Variants in ASCC3 observed in about 807,000 individuals in gnomAD.
The protein encoded by ASCC3 is ASC-1 complex subunit P200.
Under a neutral mutation model 256.3 loss-of-function variants are expected in ASCC3, and 158 were observed. That is an observed-to-expected ratio of 0.62 (90% CI 0.54 to 0.70). The LOEUF (loss-of-function observed/expected upper bound fraction) is 0.70. Ranked by LOEUF, ASCC3 falls within the 30% of genes least tolerant of loss-of-function variation. The pLI is 0.00. For synonymous variants in ASCC3, 948 were observed against 883.4 expected, an observed-to-expected ratio of 1.07 and a Z score of -1.30; for missense variants, 2,259 against 2,626.0, an observed-to-expected ratio of 0.86 and a Z score of 3.05.
chr6:100,515,909 A>G (rs1055135334), intron 39 of ASCC3, among the ~76,000 whole-genome samples: 3 of 152,114 alleles, frequency 2.0e-5, no homozygotes, highest in Non-Finnish European at 4.4e-5. Flanking sequence ...ATTAATTACT[A>G]TTACTGTCAT....
chr6:100,718,565 C>T (rs1391163880), intron 11 of ASCC3, among the ~76,000 whole-genome samples: 1 of 151,628 alleles, frequency 6.6e-6, no homozygotes, highest in East Asian at 1.9e-4. Context: ...TGAGACAAGC[C>T]TAGGCAACAT....
chr6:100,791,187 A>G (rs1302838138), intron 8 of ASCC3, among the ~76,000 whole-genome samples: 1 of 151,864 alleles, frequency 6.6e-6, no homozygotes, highest in Non-Finnish European at 1.5e-5. Context: ...CAAACAGAAA[A>G]TAATAATTAT....
At chr6:100,871,935 C>T (rs1395978044) in intron 1 of ASCC3, among the ~76,000 whole-genome samples, 2 of 152,132 alleles carry the variant, frequency 1.3e-5, no homozygotes, top group Admixed American at 6.5e-5. Context: ...TACATGTCAT[C>T]CATAGAGAGG....
intron 8 of ASCC3, among the ~76,000 whole-genome samples, chr6:100,797,594 G>A (rs778946850): frequency 1.1e-4 from 16 of 151,214 alleles, no homozygotes; most frequent in Non-Finnish European, 1.5e-4. Flanking sequence ...TATTATAATT[G>A]TTTAGTTTTA....
chr6:100,726,814 C>A (rs1779650754), intron 10 of ASCC3, among the ~76,000 whole-genome samples: 1 of 151,976 alleles, frequency 6.6e-6, no homozygotes. Flanking sequence ...GCATTAGGGC[C>A]TGGGTTAACT....
intron 1 of ASCC3, among the ~76,000 whole-genome samples, chr6:100,872,646 A>C (rs942359555): frequency 1.6e-4 from 24 of 152,174 alleles, no homozygotes; most frequent in Admixed American, 6.5e-5. Context: ...TGCAGGGCCC[A>C]GGATATACCC....
At chr6:100,728,327 T>C (rs187898199) in intron 10 of ASCC3, among the ~76,000 whole-genome samples, 214 of 152,084 alleles carry the variant, frequency 1.4e-3, no homozygotes, top group African/African-American at 4.8e-3. Context: ...GAATGAATGA[T>C]AGAAAATAAC....
At chr6:100,815,846 T>G (rs1770717984) in intron 4 of ASCC3, among the ~76,000 whole-genome samples, 1 of 152,014 alleles carries the variant, frequency 6.6e-6, no homozygotes, top group Non-Finnish European at 1.5e-5. Flanking sequence ...AATACTATTC[T>G]GAACATAAGA....
chr6:100,660,303 C>T (rs1776129093), intron 16 of ASCC3, among the ~76,000 whole-genome samples: 1 of 151,540 alleles, frequency 6.6e-6, no homozygotes, highest in Non-Finnish European at 1.5e-5. Flanking sequence ...ATCTCCATAG[C>T]AGCAGTATTG....
intron 30 of ASCC3, among the ~76,000 whole-genome samples, chr6:100,609,073 T>A (rs1325173120): frequency 6.6e-6 from 1 of 151,552 alleles, no homozygotes; most frequent in Non-Finnish European, 1.5e-5. Context: ...GCTATAAATA[T>A]TTTTGCCCCC....
chr6:100,810,094 T>C (rs564747455), intron 4 of ASCC3, among the ~76,000 whole-genome samples: 6 of 152,264 alleles, frequency 3.9e-5, no homozygotes, highest in Non-Finnish European at 5.9e-5. Context: ...ATACCTTCTA[T>C]TGCTGGTCCC....
At chr6:100,784,578 C>T (rs548670523) in intron 8 of ASCC3, among the ~76,000 whole-genome samples, 77 of 151,824 alleles carry the variant, frequency 5.1e-4, no homozygotes, top group Non-Finnish European at 5.4e-4. Flanking sequence ...GACATATTTG[C>T]TTATAGAAAA....
chr6:100,575,831 C>T (rs1770830423), intron 36 of ASCC3, among the ~76,000 whole-genome samples: 1 of 151,866 alleles, frequency 6.6e-6, no homozygotes, highest in Admixed American at 6.6e-5. Flanking sequence ...AAAAAATTTT[C>T]CCTAACTTTG....
chr6:100,638,508 C>T, intron 25 of ASCC3, 93 bp downstream of exon 25: 2 of 1,065,008 alleles, frequency 1.9e-6, no homozygotes, highest in Non-Finnish European at 2.8e-6. Context: ...CAAATCTATT[C>T]ATTAGACCCT....
At chr6:100,866,308 C>T (rs1481274273) in intron 2 of ASCC3, among the ~76,000 whole-genome samples, 2 of 152,188 alleles carry the variant, frequency 1.3e-5, no homozygotes, top group Non-Finnish European at 2.9e-5. Context: ...AAAATACATT[C>T]AAATGACATG....
intron 30 of ASCC3, among the ~76,000 whole-genome samples, chr6:100,619,467 T>C (rs141010775): frequency 1.3e-5 from 2 of 152,266 alleles, no homozygotes; most frequent in African/African-American, 2.4e-5. Flanking sequence ...TTTGAAAAAT[T>C]AATTAAAGAT....
chr6:100,756,268 T>C (rs1467890665), intron 10 of ASCC3, among the ~76,000 whole-genome samples: 1 of 152,060 alleles, frequency 6.6e-6, no homozygotes, highest in Non-Finnish European at 1.5e-5. Flanking sequence ...TTTGTGCTTC[T>C]GAACTTTCTA....
chr6:100,780,351 C>T (rs755552538), intron 8 of ASCC3, among the ~76,000 whole-genome samples: 1 of 152,140 alleles, frequency 6.6e-6, no homozygotes, highest in Non-Finnish European at 1.5e-5. Flanking sequence ...CCTAACACAG[C>T]AGATTACATT....
In ASCC3 at chr6:100,608,446, ATTT is replaced by A. The variant is rs1175805502; in HGVS notation, c.4786-1361_4786-1359del. 5.6e-4 allele frequency among the ~76,000 whole-genome samples: 24 copies of A among 42,490 alleles called. 2 individuals carry two copies. Among genetic ancestry groups the A allele is most frequent in the African/African-American group, 1.4e-3 (13 of 9,130 alleles). The allele number at this position is 42,490 out of a possible 152,430, so 27.9% of individuals were successfully genotyped here. A position where few individuals can be genotyped will look rare whatever the true frequency, so the allele number is the denominator to read the frequency against. On this transcript the variant is annotated intron_variant, in intron 30 of 41. Transcript: ENST00000369162. ...TATTTTATATATATACTTTATATAT[ATTT>A]TATATATATATACTTTATATATATA...
Sources: allele counts gnomAD v4.1 joint callset (sites outside exome capture counted in the v4.1 genomes callset), GRCh38; gene constraint gnomAD v4.1.1; transcripts MANE v1.5; gene names NCBI Gene and HGNC (gene_info 2026-07-23, HGNC 2026-07-21).